XYLT1: variants seen among roughly 807,000 people sequenced by gnomAD.
The protein encoded by XYLT1 is xylosyltransferase 1, also known as beta-D-xylosyltransferase 1.
XYLT1 carries 36 observed loss-of-function variants against 91.3 expected under a neutral mutation model. That is an observed-to-expected ratio of 0.39 (90% CI 0.30 to 0.52). The LOEUF (loss-of-function observed/expected upper bound fraction) is 0.52. XYLT1 is among the 20% of genes least tolerant of loss of function. The pLI is 0.68. For missense variants in XYLT1, 1,242 were observed against 1,284.5 expected (o/e 0.97, Z 0.51); for synonymous variants, 588 against 532.0 (o/e 1.11, Z -1.45).
intron 3 of XYLT1, among the ~76,000 whole-genome samples, chr16:17,210,942 G>A (rs1444276700): frequency 6.6e-6 from 1 of 152,226 alleles, no homozygotes; most frequent in African/African-American, 2.4e-5. Context: ...ATCTCCAGCA[G>A]GTAACAGGAG....
chr16:17,125,248 G>T (rs1016513272), intron 10 of XYLT1, among the ~76,000 whole-genome samples: 1 of 152,108 alleles, frequency 6.6e-6, no homozygotes, highest in African/African-American at 2.4e-5. Flanking sequence ...GGCTTTCCTG[G>T]CATGTTTCTG....
chr16:17,355,071 T>C (rs61737598), intron 2 of XYLT1: 22,864 of 152,752 alleles, frequency 0.15, 2,293 homozygotes, highest in Admixed American at 0.26. Context: ...TCTTCCCCAA[T>C]GGCATAGCAC....
chr16:17,375,431 CA>C (rs66868364), intron 1 of XYLT1, among the ~76,000 whole-genome samples: 16 of 137,178 alleles, frequency 1.2e-4, no homozygotes, highest in South Asian at 4.6e-4. Flanking sequence ...TGTCGCAATG[CA>C]AAAAAAAAAA....
In XYLT1 at chr16:17,138,397, G is replaced by A; in HGVS notation, c.1722C>T (p.Cys574=). ...QYKHIVDWCG[C]SPNDFKPQDF... ...CCTGCGGCTTGAAGTCATTGGGGGA[G>A]CAGCCGCACCAGTCCACGATGTGCT... is the stretch of plus-strand genomic sequence containing the variant. Residue 574 remains cysteine (C), a synonymous_variant, in exon 8 of 12, where the codon TGC becomes TGT. Coordinates refer to ENST00000261381, the MANE Select transcript of XYLT1 (RefSeq NM_022166.4). The A allele has an allele frequency of 6.2e-7, 1 of 1,613,916 alleles. No homozygotes were observed.
intron 1 of XYLT1, among the ~76,000 whole-genome samples, chr16:17,358,815 G>A (rs2035341719): frequency 6.6e-6 from 1 of 152,202 alleles, no homozygotes; most frequent in Non-Finnish European, 1.5e-5. Flanking sequence ...TCTGATCTTG[G>A]AAAGAACAAG....
At chr16:17,357,194 A>AAC (rs2035312347) in intron 2 of XYLT1, among the ~76,000 whole-genome samples, 1 of 149,060 alleles carries the variant, frequency 6.7e-6, no homozygotes, top group Non-Finnish European at 1.5e-5. Context: ...AAAAAAAAAA[A>AAC]AAAAACGCTA....
In XYLT1 at chr16:17,173,962, GCT is replaced by G. The variant is rs1382098166; in HGVS notation, c.1290-15055_1290-15054del. On this transcript the variant is annotated intron_variant, in intron 5 of 11. Transcript: ENST00000261381. Reference sequence around the variant, plus strand: ...TCTGGTAGCCCTTGTTTTTTATTTGGCTCTGAGTGAGGGAGAAGGGTGGCAGG... The same window carrying G: ...TCTGGTAGCCCTTGTTTTTTATTTGGCTGAGTGAGGGAGAAGGGTGGCAGG... Among the ~76,000 whole-genome samples, 5 of 152,034 alleles carry G rather than the reference GCT, an allele frequency of 3.3e-5. 1 individual carries two copies. The highest frequency in any genetic ancestry group is 5.9e-5 in the Non-Finnish European group (4 of 67,988).
rs773606232 is a variant in XYLT1, at chr16:17,141,309, G to A, written c.1431C>T (p.Arg477=). The change falls in exon 7 of 12, where the codon CGC becomes CGT. Residue 477 remains arginine (R), a synonymous_variant. Coordinates refer to ENST00000261381, the MANE Select transcript of XYLT1 (RefSeq NM_022166.4). ...CCTCTGGGATCCGCCGATCTCCCAG[G>A]CGCCACATGTGAGCGTCGCACTCCA... ...LFLECDAHMW[R]LGDRRIPEGI... is the part of the protein sequence containing the mutation. The A allele has an allele frequency of 1.9e-6, 3 of 1,614,154 alleles. No individual in the cohort carries two copies. The highest frequency in any genetic ancestry group is 1.7e-6 in the Non-Finnish European group (2 of 1,180,032).
intron 3 of XYLT1, among the ~76,000 whole-genome samples, chr16:17,214,143 C>T (rs2032812865): frequency 6.6e-6 from 1 of 152,182 alleles, no homozygotes; most frequent in African/African-American, 2.4e-5. Context: ...GGTTTGAGAA[C>T]CACTCATCTC....
rs572698191 is a variant in XYLT1 at position 17,213,631 on chromosome 16, T to C, written c.914-12977A>G. On this transcript the variant is annotated intron_variant, in intron 3 of 11. Transcript: ENST00000261381. ...AACAACCTTTCTTTTCTTTTCTTTT[T>C]TTTTTGAGACTGAGTCTCGCACTGT... is the stretch of plus-strand genomic sequence containing the variant. 1.6e-3 allele frequency among the ~76,000 whole-genome samples: 251 copies of C among 152,234 alleles called. 1 individual carries two copies. Among genetic ancestry groups the C allele is most frequent in the African/African-American group, 5.5e-3 (230 of 41,534 alleles).
chr16:17,311,761 A>G (rs540857758), intron 2 of XYLT1, among the ~76,000 whole-genome samples: 15 of 152,282 alleles, frequency 9.9e-5, no homozygotes, highest in Admixed American at 9.1e-4. Flanking sequence ...AAGTTTAATG[A>G]ACTCACAGTT....
At position 17,461,771 on chromosome 16, in the gene XYLT1, C is replaced by A. The variant is rs1241066069; in HGVS notation, c.363+8663G>T. ...TGAACTGGGTAGACTGAGAACACAG[C>A]CTTTGGAGACACCACCCAACTTCAA... On this transcript the variant is annotated intron_variant, in intron 1 of 11. Coordinates refer to ENST00000261381, the MANE Select transcript of XYLT1 (RefSeq NM_022166.4). Among the ~76,000 whole-genome samples the A allele has an allele frequency of 2.6e-5, 4 of 152,124 alleles. No homozygotes were observed. In the East Asian group the frequency reaches 5.8e-4, roughly 22 times the overall value.
At chr16:17,244,685 A>G (rs1174567513) in intron 3 of XYLT1, among the ~76,000 whole-genome samples, 1 of 152,220 alleles carries the variant, frequency 6.6e-6, no homozygotes, top group African/African-American at 2.4e-5. Flanking sequence ...TGTATCCAGA[A>G]TGGTACTAGT....
At chr16:17,147,590 C>G (rs908042247) in intron 6 of XYLT1, among the ~76,000 whole-genome samples, 1 of 152,194 alleles carries the variant, frequency 6.6e-6, no homozygotes, top group Non-Finnish European at 1.5e-5. Context: ...CAAACGCATG[C>G]TTTGGTTAAC....
chr16:17,385,669 T>G (rs540464943), intron 1 of XYLT1, among the ~76,000 whole-genome samples: 1 of 151,964 alleles, frequency 6.6e-6, no homozygotes, highest in South Asian at 2.1e-4. Context: ...GTGAAATAGA[T>G]CTCTTTTTAA....
intron 1 of XYLT1, among the ~76,000 whole-genome samples, chr16:17,397,656 T>C (rs950385533): frequency 3.3e-5 from 5 of 152,054 alleles, no homozygotes; most frequent in Admixed American, 1.3e-4. Flanking sequence ...CTGAGAAAAC[T>C]AAAGTTCAGA....
chr16:17,269,002 C>T (rs992628171), intron 2 of XYLT1, among the ~76,000 whole-genome samples: 10 of 152,214 alleles, frequency 6.6e-5, no homozygotes, highest in Non-Finnish European at 1.0e-4. Flanking sequence ...AGAGAGGAAC[C>T]CAGGCCCCTC....
intron 6 of XYLT1, among the ~76,000 whole-genome samples, chr16:17,144,220 G>C (rs1426468477): frequency 2.0e-5 from 3 of 152,210 alleles, no homozygotes; most frequent in Admixed American, 6.5e-5. Flanking sequence ...CACACAGTAA[G>C]TGCTTAGCGA....
At chr16:17,260,460 T>C (rs1484211823) in intron 2 of XYLT1, among the ~76,000 whole-genome samples, 2 of 152,116 alleles carry the variant, frequency 1.3e-5, no homozygotes, top group Non-Finnish European at 2.9e-5. Context: ...AATGGCTCCA[T>C]ATAGCTGCCC....
Sources: allele counts gnomAD v4.1 joint callset (sites outside exome capture counted in the v4.1 genomes callset), GRCh38; gene constraint gnomAD v4.1.1; transcripts MANE v1.5; gene names NCBI Gene and HGNC (gene_info 2026-07-23, HGNC 2026-07-21).